DPYSL4: variants seen among roughly 807,000 people sequenced by gnomAD.
DPYSL4 encodes dihydropyrimidinase like 4.
DPYSL4 carries 43 observed loss-of-function variants against 63.4 expected under a neutral mutation model. The observed-to-expected ratio is 0.68, with a 90% CI of 0.53 to 0.88. DPYSL4 has a LOEUF of 0.88. Among genes scored for constraint, DPYSL4 ranks in the 40% least tolerant of loss-of-function variants. The pLI, the probability that DPYSL4 is intolerant of heterozygous loss-of-function variation, is 0.00. For missense variants in DPYSL4, 733 were observed against 819.5 expected (o/e 0.89, Z 1.29); for synonymous variants, 353 against 331.7 (o/e 1.06, Z -0.70).
Position 132,205,633 on chromosome 10 carries a change from T to G in DPYSL4, c.*703T>G, listed in dbSNP as rs1431652870. On this transcript the variant is annotated 3_prime_UTR_variant, in exon 14 of 14. Coordinates refer to ENST00000338492, the MANE Select transcript of DPYSL4 (RefSeq NM_006426.3). ...TACAGATTGTGTATTTCCGTAGGCTTCTTAGTAGCAGCTTTGTACACTGAG... is the reference window on the plus strand; with the variant it reads ...TACAGATTGTGTATTTCCGTAGGCTGCTTAGTAGCAGCTTTGTACACTGAG... The G allele has an allele frequency of 6.6e-6, 1 of 152,310 alleles. No homozygotes were observed. The highest frequency in any genetic ancestry group is 1.5e-5 in the Non-Finnish European group (1 of 68,058). The allele number at this position is 152,310 out of a possible 1,614,324, so 9.4% of individuals were successfully genotyped here.
chr10:132,203,695 T>C, intron 12 of DPYSL4, 67 bp from the exon 13 acceptor site: 1 of 1,390,084 alleles, frequency 7.2e-7, no homozygotes, highest in Non-Finnish European at 9.6e-7. Context: ...TCATGCCCCA[T>C]CTCTGGCCCC....
intron 12 of DPYSL4, 152 bp downstream of exon 12, chr10:132,202,977 A>C: frequency 1.1e-6 from 1 of 927,590 alleles, no homozygotes; most frequent in South Asian, 1.9e-5. Context: ...TGGTGGGTCT[A>C]AGTGGAGAAG....
chr10:132,199,721 T>C (rs539891295), intron 8 of DPYSL4, among the ~76,000 whole-genome samples: 1 of 151,590 alleles, frequency 6.6e-6, no homozygotes, highest in Non-Finnish European at 1.5e-5. Context: ...GTGGTGCCCT[T>C]CTATGTGTTT....
At position 132,194,835 on chromosome 10, in the gene DPYSL4, G is replaced by C. The variant is rs752256442; in HGVS notation, c.314-10G>C. 9 of 1,610,970 alleles carry C rather than the reference G, an allele frequency of 5.6e-6. No individual in the cohort carries two copies. In the African/African-American group the frequency reaches 6.7e-5, roughly 12 times the overall value. On this transcript the variant is annotated splice_polypyrimidine_tract_variant and intron_variant, in intron 3 of 13. Transcript: ENST00000338492. ...AGTGGGGGAAGCTGCTGACCATGCTGCCTTCACAGTGGACCACGTCTTCCC... is the reference window on the plus strand; with the variant it reads ...AGTGGGGGAAGCTGCTGACCATGCTCCCTTCACAGTGGACCACGTCTTCCC...
chr10:132,196,765 C>G, intron 4 of DPYSL4, 96 bp from the exon 5 acceptor site: 1 of 1,432,738 alleles, frequency 7.0e-7, no homozygotes, highest in South Asian at 1.2e-5. Context: ...GGGAGGGGCC[C>G]AAGACCCCCA....
intron 12 of DPYSL4, chr10:132,203,468 T>G (rs1413534533): frequency 1.3e-5 from 6 of 450,960 alleles, no homozygotes; most frequent in African/African-American, 7.8e-5. Flanking sequence ...AGGTTGAGCA[T>G]GTGCACCTGT....
chr10:132,200,748 G>C (rs1040396905), intron 9 of DPYSL4, 94 bp from the exon 10 acceptor site: 5 of 1,511,878 alleles, frequency 3.3e-6, no homozygotes, highest in Non-Finnish European at 4.4e-6. Flanking sequence ...ATGACCTCTA[G>C]CCCCTGCGGC....
intron 3 of DPYSL4, among the ~76,000 whole-genome samples, chr10:132,194,536 C>T (rs908254446): frequency 6.6e-6 from 1 of 152,224 alleles, no homozygotes; most frequent in African/African-American, 2.4e-5. Context: ...AAAGCCCCGA[C>T]CTCCTGTGCT....
intron 1 of DPYSL4, among the ~76,000 whole-genome samples, chr10:132,188,492 T>C (rs1037118867): frequency 3.9e-5 from 6 of 152,210 alleles, no homozygotes; most frequent in African/African-American, 1.4e-4. Context: ...CAGGGCCTGA[T>C]GCGGCCACAG....
Position 132,197,781 on chromosome 10 carries a change from G to C in DPYSL4, c.622-634G>C, listed in dbSNP as rs1032498136. ...CAGGAAGGTGGTGGCACTCGGGCAGGGGCATGTGGGGGGTCCCCAGTGTCC... is the reference window on the plus strand; with the variant it reads ...CAGGAAGGTGGTGGCACTCGGGCAGCGGCATGTGGGGGGTCCCCAGTGTCC... On this transcript the variant is annotated intron_variant, in intron 6 of 13. Coordinates refer to ENST00000338492, the MANE Select transcript of DPYSL4 (RefSeq NM_006426.3). Among the ~76,000 whole-genome samples the C allele has an allele frequency of 4.6e-5, 7 of 152,316 alleles. No homozygotes were observed. In the East Asian group the frequency reaches 9.7e-4, roughly 21 times the overall value.
Position 132,200,478 on chromosome 10 carries a change from A to G in DPYSL4, c.934A>G (p.Thr312Ala), listed in dbSNP as rs772322068. 1 of 1,613,174 alleles carries G rather than the reference A, an allele frequency of 6.2e-7. No individual in the cohort carries two copies. Among genetic ancestry groups the G allele is most frequent in the Non-Finnish European group, 8.5e-7 (1 of 1,179,876 alleles). Residue 312 changes from threonine to alanine, a missense_variant, in exon 9 of 14, where the codon ACC (threonine) becomes GCC (alanine). Transcript: ENST00000338492. ...VTSPPVNPDPTTADHLTCLLS... is the reference protein window; with the variant it reads ...VTSPPVNPDPATADHLTCLLS... ...ATCACCCCCTGTCAACCCAGACCCC[A>G]CCACGGCGGACCACCTCACCTGCTT...
intron 2 of DPYSL4, 185 bp from the exon 3 acceptor site, chr10:132,192,473 T>C: frequency 7.4e-7 from 1 of 1,349,094 alleles, no homozygotes; most frequent in Non-Finnish European, 9.5e-7. Flanking sequence ...CGTCCTGAGC[T>C]GCGCTGAGTG....
chr10:132,200,867 G>A lies in DPYSL4; in HGVS notation c.994G>A (p.Ala332Thr), dbSNP rs751981237. 21 of 1,612,820 alleles carry A rather than the reference G, an allele frequency of 1.3e-5. No homozygotes were observed. In the East Asian group the frequency reaches 1.3e-4, roughly 10 times the overall value. ...CGGGGACCTCCAGGTGACAGGCAGC[G>A]CCCACTGCACCTTCACCACTGCCCA... ...SSGDLQVTGSAHCTFTTAQKA... is the reference protein window; with the variant it reads ...SSGDLQVTGSTHCTFTTAQKA... The change falls in exon 10 of 14, where the codon GCC (alanine) becomes ACC (threonine). Residue 332 changes from alanine to threonine, a missense_variant. Coordinates refer to ENST00000338492, the MANE Select transcript of DPYSL4 (RefSeq NM_006426.3).
chr10:132,198,575 G>T (rs1277633856), intron 7 of DPYSL4, 92 bp downstream of exon 7: 12 of 1,344,828 alleles, frequency 8.9e-6, no homozygotes, highest in Non-Finnish European at 1.2e-5. Flanking sequence ...TGGGCTCCTG[G>T]CCCTGCCACT....
intron 1 of DPYSL4, among the ~76,000 whole-genome samples, chr10:132,187,487 C>T (rs1184218561): frequency 6.6e-6 from 1 of 152,014 alleles, no homozygotes; most frequent in Non-Finnish European, 1.5e-5. Flanking sequence ...TCTCCCACGG[C>T]GGTCGGGTGG....
At position 132,200,862 on chromosome 10, in the gene DPYSL4, G is replaced by C; in HGVS notation, c.989G>C (p.Gly330Ala). The change falls in exon 10 of 14, where the codon GGC (glycine) becomes GCC (alanine). Residue 330 changes from glycine (G) to alanine (A), a missense_variant. Gly to Ala is a moderately conservative substitution (Grantham distance 60). Coordinates refer to ENST00000338492, the MANE Select transcript of DPYSL4 (RefSeq NM_006426.3). ...LLSSGDLQVTGSAHCTFTTAQ... is the reference protein window; with the variant it reads ...LLSSGDLQVTASAHCTFTTAQ... ...TCCAGCGGGGACCTCCAGGTGACAG[G>C]CAGCGCCCACTGCACCTTCACCACT... The C allele has an allele frequency of 6.2e-7, 1 of 1,612,860 alleles. No homozygotes were observed. The highest frequency in any genetic ancestry group is 8.5e-7 in the Non-Finnish European group (1 of 1,179,874).
chr10:132,187,081 GA>G lies in DPYSL4; in HGVS notation c.22del (p.Ser8AlafsTer11), dbSNP rs1186757739. 7.4e-7 allele frequency: 1 copy of G among 1,353,770 alleles called. No homozygotes were observed. Among genetic ancestry groups the G allele is most frequent in the South Asian group, 1.3e-5 (1 of 79,284 alleles). 83.9% of individuals were successfully genotyped at this position (1,353,770 alleles called of 1,614,324 possible). On this transcript the variant is annotated frameshift_variant, in exon 1 of 14. Transcript: ENST00000338492. LOFTEE classifies it high-confidence loss of function. MSFQGK[K>X]SIPRITSDRL... Reference sequence around the variant, plus strand: ...GGAGCAGGATGTCCTTCCAGGGCAAGAAAAGCATCCCCCGGATCACGGTGAG... The same window carrying G: ...GGAGCAGGATGTCCTTCCAGGGCAAGAAAGCATCCCCCGGATCACGGTGAG...
chr10:132,189,649 C>T (rs2061848588), intron 1 of DPYSL4, among the ~76,000 whole-genome samples: 1 of 151,732 alleles, frequency 6.6e-6, no homozygotes, highest in African/African-American at 2.4e-5. Context: ...AAGTCCTGCC[C>T]TCCTGACTCC....
chr10:132,204,888 G>GGCACCACCT lies in DPYSL4; in HGVS notation c.1679_1687dup (p.Ala560_Pro562dup). The GGCACCACCT allele has an allele frequency of 6.2e-7, 1 of 1,612,632 alleles. No homozygotes were observed. Among genetic ancestry groups the GGCACCACCT allele is most frequent in the Non-Finnish European group, 8.5e-7 (1 of 1,179,244 alleles). The stretch of plus-strand genomic sequence containing the variant: ...CCCGACGCACAGCACAGAAGATCAT[G>GGCACCACCT]GCACCACCTGGCGGCCGCTCCAACA... On this transcript the variant is annotated inframe_insertion, in exon 14 of 14. Coordinates refer to ENST00000338492, the MANE Select transcript of DPYSL4 (RefSeq NM_006426.3).
Sources: allele counts gnomAD v4.1 joint callset (sites outside exome capture counted in the v4.1 genomes callset), GRCh38; gene constraint gnomAD v4.1.1; transcripts MANE v1.5; gene names NCBI Gene and HGNC (gene_info 2026-07-23, HGNC 2026-07-21).